The following TENM2 variants were observed in gnomAD, a reference collection of about 807,000 sequenced individuals.
TENM2 encodes the protein teneurin transmembrane protein 2.
TENM2 carries 52 observed loss-of-function variants against 245.2 expected under a neutral mutation model. That is an observed-to-expected ratio of 0.21 (90% CI 0.17 to 0.27). The LOEUF is 0.27. Among genes scored for constraint, TENM2 ranks in the 10% least tolerant of loss-of-function variants. The pLI, the probability that TENM2 is intolerant of heterozygous loss-of-function variation, is 1.00. For missense variants in TENM2, 3,046 were observed against 3,666.8 expected, an observed-to-expected ratio of 0.83 and a Z score of 4.37; for synonymous variants, 1,363 against 1,438.9, an observed-to-expected ratio of 0.95 and a Z score of 1.19.
the TENM2 span, among the ~76,000 whole-genome samples, chr5:167,080,873 A>G: frequency 4.9e-4 from 74 of 152,222 alleles, 1 homozygote; most frequent in African/African-American, 1.7e-3. Flanking sequence ...CCAAAAGAAC[A>G]CTTTTTATAA....
chr5:167,562,296 T>G (rs917896072), intron 2 of TENM2, among the ~76,000 whole-genome samples: 1 of 151,724 alleles, frequency 6.6e-6, no homozygotes, highest in Non-Finnish European at 1.5e-5. Flanking sequence ...GAGAATCTAG[T>G]TGGGCAAAGA....
chr5:167,319,033 G>A (rs1250318771), intron 1 of TENM2, among the ~76,000 whole-genome samples: 2 of 151,946 alleles, frequency 1.3e-5, no homozygotes, highest in African/African-American at 2.4e-5. Flanking sequence ...GATATTTAGA[G>A]ATTTTAAAAA....
chr5:167,002,087 A>G, the TENM2 span, among the ~76,000 whole-genome samples: 1 of 152,170 alleles, frequency 6.6e-6, no homozygotes, highest in Non-Finnish European at 1.5e-5. Flanking sequence ...TGTAGTTCAT[A>G]TGAAAAAGAA....
chr5:167,973,092 G>T (rs940625909), intron 4 of TENM2, among the ~76,000 whole-genome samples: 1 of 152,156 alleles, frequency 6.6e-6, no homozygotes, highest in African/African-American at 2.4e-5. Context: ...GATATTATAA[G>T]AATGTCTAAA....
rs139403108 is a variant in TENM2 at position 167,870,007 on chromosome 5, A to G, written c.503-5979A>G. ...AGAAAAGTAGATACTTTAGTCAAGC[A>G]TCTGAATAAATAGCAGGTATTAGGA... On this transcript the variant is annotated intron_variant, in intron 2 of 28. Transcript: ENST00000518659. Among the ~76,000 whole-genome samples, 41 of 152,364 alleles carry G rather than the reference A, an allele frequency of 2.7e-4. 3 individuals carry two copies. Among genetic ancestry groups the G allele is most frequent in the African/African-American group, 9.9e-4 (41 of 41,590 alleles).
intron 2 of TENM2, among the ~76,000 whole-genome samples, chr5:167,683,733 C>T (rs193159489): frequency 3.9e-5 from 6 of 152,150 alleles, no homozygotes; most frequent in East Asian, 3.9e-4. Context: ...TGGAAGAAAA[C>T]GAAATGTTCC....
intron 3 of TENM2, among the ~76,000 whole-genome samples, chr5:167,943,298 A>T (rs1399338328): frequency 1.6e-5 from 2 of 127,206 alleles, no homozygotes; most frequent in African/African-American, 5.9e-5. Context: ...GTTTGTTTCC[A>T]TTATTCTGTT....
intron 2 of TENM2, among the ~76,000 whole-genome samples, chr5:167,693,266 G>A (rs866549892): frequency 1.3e-5 from 2 of 152,082 alleles, no homozygotes; most frequent in East Asian, 3.9e-4. Flanking sequence ...TGCCCCTATT[G>A]GTCAATAGAG....
rs141673091 is a variant in TENM2, at chr5:167,864,998, C to T, written c.503-10988C>T. Among the ~76,000 whole-genome samples the T allele has an allele frequency of 5.9e-5, 9 of 152,274 alleles. No homozygotes were observed. In the East Asian group the frequency reaches 1.2e-3, roughly 20 times the overall value. ...TAAGGGAGCCTTTTGAAAATTGTTT[C>T]GGCATCGGCATACAGTTCCTTTTAA... is the stretch of plus-strand genomic sequence containing the variant. On this transcript the variant is annotated intron_variant, in intron 2 of 28. Coordinates refer to ENST00000518659, the Ensembl canonical transcript of TENM2.
intron 7 of TENM2, among the ~76,000 whole-genome samples, chr5:168,075,585 G>A (rs548711402): frequency 2.0e-5 from 3 of 152,148 alleles, no homozygotes; most frequent in African/African-American, 7.2e-5. Flanking sequence ...CTGGAGATTA[G>A]ATTTGTCTCC....
At chr5:168,170,667 C>A (rs539606783) in intron 13 of TENM2, among the ~76,000 whole-genome samples, 8 of 152,282 alleles carry the variant, frequency 5.3e-5, no homozygotes, top group Non-Finnish European at 8.8e-5. Context: ...GCTTGCTCTG[C>A]ACCTGGGTTA....
At chr5:167,722,813 A>G (rs1266570323) in intron 2 of TENM2, among the ~76,000 whole-genome samples, 3 of 152,144 alleles carry the variant, frequency 2.0e-5, no homozygotes, top group Admixed American at 1.3e-4. Context: ...AAAAAAAACA[A>G]CTTTTGAGCT....
chr5:167,866,062 T>C (rs1772293963), intron 2 of TENM2, among the ~76,000 whole-genome samples: 1 of 152,166 alleles, frequency 6.6e-6, no homozygotes, highest in Admixed American at 6.5e-5. Flanking sequence ...AGCCAGACAT[T>C]TAGGCAAGTA....
chr5:168,132,357 A>G (rs1316222005), intron 12 of TENM2, among the ~76,000 whole-genome samples: 3 of 152,218 alleles, frequency 2.0e-5, no homozygotes, highest in Non-Finnish European at 4.4e-5. Context: ...TTTATGACTC[A>G]TCATTCTGTA....
At chr5:168,241,329 C>A (rs766789971) in intron 25 of TENM2, among the ~76,000 whole-genome samples, 6 of 151,624 alleles carry the variant, frequency 4.0e-5, no homozygotes, top group Non-Finnish European at 8.8e-5. Context: ...GATCTTGGCT[C>A]ACTGCAACCT....
intron 1 of TENM2, among the ~76,000 whole-genome samples, chr5:167,312,258 ATTAT>A (rs1475682502): frequency 1.1e-4 from 16 of 152,352 alleles, no homozygotes; most frequent in African/African-American, 3.1e-4. Flanking sequence ...ATTTTAAACT[ATTAT>A]TTAAAGAGTT....
chr5:167,823,376 C>T (rs950371487), intron 2 of TENM2, among the ~76,000 whole-genome samples: 1 of 151,810 alleles, frequency 6.6e-6, no homozygotes, highest in South Asian at 2.1e-4. Flanking sequence ...ACATGTGTAC[C>T]CACCCACACA....
chr5:167,689,214 G>A (rs1206805530), intron 2 of TENM2, among the ~76,000 whole-genome samples: 1 of 152,178 alleles, frequency 6.6e-6, no homozygotes, highest in Non-Finnish European at 1.5e-5. Flanking sequence ...CCAGTGAAGG[G>A]AGAGTGGGAA....
chr5:168,050,838 T>C (rs1789020909), intron 6 of TENM2, among the ~76,000 whole-genome samples: 1 of 152,232 alleles, frequency 6.6e-6, no homozygotes, highest in Non-Finnish European at 1.5e-5. Flanking sequence ...TCGAGTCTTA[T>C]TTTTCTTTCT....
Sources: allele counts gnomAD v4.1 joint callset (sites outside exome capture counted in the v4.1 genomes callset), GRCh38; gene constraint gnomAD v4.1.1; transcripts MANE v1.5; gene names NCBI Gene and HGNC (gene_info 2026-07-23, HGNC 2026-07-21).